KANSL1: variants seen among roughly 807,000 people sequenced by gnomAD.
The protein encoded by KANSL1 is MLL1/MLL complex subunit KANSL1.
Under a neutral mutation model 103.6 loss-of-function variants are expected in KANSL1, and 22 were observed. That is an observed-to-expected ratio of 0.21 (90% confidence interval 0.15 to 0.30). The LOEUF is 0.30. KANSL1 is among the 10% of genes least tolerant of loss of function. The pLI, the probability that KANSL1 is intolerant of heterozygous loss-of-function variation, is 1.00. For missense variants in KANSL1, 1,337 were observed against 1,399.8 expected (o/e 0.96, Z 0.72); for synonymous variants, 600 against 527.6 (o/e 1.14, Z -1.88).
intron 2 of KANSL1, among the ~76,000 whole-genome samples, chr17:46,122,448 A>T (rs1164466974): frequency 1.3e-5 from 2 of 152,250 alleles, no homozygotes. Flanking sequence ...TACTGGAAAT[A>T]TGAAACACTT....
At position 46,031,380 on chromosome 17, in the gene KANSL1, A is replaced by G; in HGVS notation, c.*96T>C. 1 of 1,190,492 alleles carries G rather than the reference A, an allele frequency of 8.4e-7. No individual in the cohort carries two copies. Among genetic ancestry groups the G allele is most frequent in the Non-Finnish European group, 1.2e-6 (1 of 862,374 alleles). 73.7% of individuals were successfully genotyped at this position (1,190,492 alleles called of 1,614,324 possible). On this transcript the variant is annotated 3_prime_UTR_variant, in exon 15 of 15. Coordinates refer to ENST00000432791, the MANE Select transcript of KANSL1 (RefSeq NM_015443.4). ...TCCTTAAGTTCACTAAAAACTGTGA[A>G]AATTTCCGGCATATGATGTTTGAAT...
At chr17:46,049,240 CTTTTTTTT>C (rs34418861) in intron 7 of KANSL1, among the ~76,000 whole-genome samples, 1 of 75,768 alleles carries the variant, frequency 1.3e-5, no homozygotes, top group Non-Finnish European at 2.4e-5. Context: ...CATCCAAGAC[CTTTTTTTT>C]TTTTTTTTTT....
chr17:46,215,545 G>T (rs2048314068), intron 1 of KANSL1, among the ~76,000 whole-genome samples: 1 of 152,154 alleles, frequency 6.6e-6, no homozygotes, highest in Non-Finnish European at 1.5e-5. Flanking sequence ...TGAAGGTCTG[G>T]ACTCAAAAAG....
intron 7 of KANSL1, chr17:46,043,791 G>A (rs1010435912): frequency 6.6e-6 from 1 of 152,138 alleles, no homozygotes; most frequent in African/African-American, 2.4e-5. Context: ...TTGGCACATT[G>A]TAGAACCCAA....
intron 1 of KANSL1, among the ~76,000 whole-genome samples, chr17:46,189,414 G>A (rs1008063934): frequency 6.6e-6 from 1 of 152,074 alleles, no homozygotes; most frequent in Non-Finnish European, 1.5e-5. Flanking sequence ...TAGCAAGAAA[G>A]TCGCTTATTT....
chr17:46,050,759 ACCCATTTGTTATC>A (rs1299832193), intron 6 of KANSL1, 55 bp from the exon 7 acceptor site: 40 of 1,531,098 alleles, frequency 2.6e-5, no homozygotes, highest in Non-Finnish European at 3.2e-5. Flanking sequence ...AAAGCCAGCT[ACCCATTTGTTATC>A]CCCATTTGTT....
chr17:46,050,677 C>T lies in KANSL1; in HGVS notation c.1876G>A (p.Gly626Ser). 1 of 1,614,034 alleles carries T rather than the reference C, an allele frequency of 6.2e-7. No individual in the cohort carries two copies. Residue 626 changes from glycine to serine, a missense_variant, in exon 7 of 15, where the codon GGC (glycine) becomes AGC (serine). By Grantham distance (56) the Gly-to-Ser change is moderately conservative. Transcript: ENST00000432791. The stretch of plus-strand genomic sequence containing the variant: ...GCGCAGGAGGGATTCACATCACAGC[C>T]AGGGCGGATTGTGCTGTTCCGGTGA... ...KVHRNSTIRP[G>S]CDVNPSCALC...
At chr17:46,189,510 T>C (rs2047205094) in intron 1 of KANSL1, among the ~76,000 whole-genome samples, 2 of 152,194 alleles carry the variant, frequency 1.3e-5, no homozygotes, top group South Asian at 2.1e-4. Context: ...GGAATACGCA[T>C]TACTCTTTAA....
At chr17:46,055,611 G>A (rs1033835298) in intron 6 of KANSL1, among the ~76,000 whole-genome samples, 1 of 152,046 alleles carries the variant, frequency 6.6e-6, no homozygotes, top group Non-Finnish European at 1.5e-5. Flanking sequence ...AGACTTGAGG[G>A]GGGAGGGGAG....
chr17:46,188,032 A>G (rs2047111689), intron 1 of KANSL1, among the ~76,000 whole-genome samples: 1 of 152,158 alleles, frequency 6.6e-6, no homozygotes, highest in Non-Finnish European at 1.5e-5. Flanking sequence ...CTTTTGGCTT[A>G]TTTTCTCCTA....
intron 1 of KANSL1, among the ~76,000 whole-genome samples, chr17:46,204,814 T>C (rs1194619295): frequency 6.6e-6 from 1 of 152,232 alleles, no homozygotes; most frequent in Non-Finnish European, 1.5e-5. Flanking sequence ...ATTAATGTAA[T>C]ACACCATATT....
intron 2 of KANSL1, among the ~76,000 whole-genome samples, chr17:46,106,329 C>T (rs924397754): frequency 2.0e-5 from 3 of 152,152 alleles, no homozygotes; most frequent in Non-Finnish European, 4.4e-5. Context: ...TTAAGTCTCA[C>T]GTACCTTTAT....
intron 1 of KANSL1, among the ~76,000 whole-genome samples, 176 bp from the exon 2 acceptor site, chr17:46,172,408 A>C (rs2046332537): frequency 6.6e-6 from 1 of 152,232 alleles, no homozygotes; most frequent in African/African-American, 2.4e-5. Context: ...TCTGGGAGAA[A>C]GGGGGAGGCA....
Position 46,172,186 on chromosome 17 carries a change from G to T in KANSL1, c.-43C>A. On this transcript the variant is annotated 5_prime_UTR_variant, in exon 2 of 15. Transcript: ENST00000432791. ...GAAGTCCAGCCTCTCCCGATGCCGA[G>T]GCCGAGGCCAGCTCCACGGCCCCTT... 6.4e-7 allele frequency: 1 copy of T among 1,571,358 alleles called. No homozygotes were observed. The highest frequency in any genetic ancestry group is 8.6e-7 in the Non-Finnish European group (1 of 1,163,214).
chr17:46,191,467 A>G (rs2047318917), intron 1 of KANSL1, among the ~76,000 whole-genome samples: 1 of 152,254 alleles, frequency 6.6e-6, no homozygotes, highest in Non-Finnish European at 1.5e-5. Context: ...TGGTCCTTTA[A>G]CTGACCCAAA....
intron 2 of KANSL1, among the ~76,000 whole-genome samples, chr17:46,100,727 T>A (rs920241873): frequency 6.6e-6 from 1 of 152,260 alleles, no homozygotes; most frequent in African/African-American, 2.4e-5. Context: ...TTAAGTCACC[T>A]AATTCTATTC....
chr17:46,042,736 C>A (rs1180584217), intron 7 of KANSL1: 2 of 148,228 alleles, frequency 1.3e-5, no homozygotes, highest in Admixed American at 1.4e-4. Context: ...GTTATGCCTT[C>A]GAGGACTGAA....
At chr17:46,211,124 A>G (rs1199287194) in intron 1 of KANSL1, among the ~76,000 whole-genome samples, 2 of 152,042 alleles carry the variant, frequency 1.3e-5, no homozygotes, top group Non-Finnish European at 2.9e-5. Flanking sequence ...CATTTACAGG[A>G]AAAAAAATCT....
At chr17:46,208,375 G>A (rs914372060) in intron 1 of KANSL1, among the ~76,000 whole-genome samples, 5 of 152,128 alleles carry the variant, frequency 3.3e-5, no homozygotes, top group Middle Eastern at 3.2e-3. Context: ...ACTTTGGAAG[G>A]TCAAGGCCAC....
Sources: allele counts gnomAD v4.1 joint callset (sites outside exome capture counted in the v4.1 genomes callset), GRCh38; gene constraint gnomAD v4.1.1; transcripts MANE v1.5; gene names NCBI Gene and HGNC (gene_info 2026-07-23, HGNC 2026-07-21).